PDGFRL: variants seen among roughly 807,000 people sequenced by gnomAD.
PDGFRL encodes platelet derived growth factor receptor like, also known as platelet-derived growth factor receptor-like protein.
In PDGFRL, 46 loss-of-function variants were observed where a neutral mutation model predicts 37.2. That is an observed-to-expected ratio of 1.24 (90% confidence interval 0.98 to 1.58). The LOEUF (loss-of-function observed/expected upper bound fraction) is 1.58. Among genes scored for constraint, PDGFRL ranks in the 40% most tolerant of loss-of-function variants. PDGFRL has a pLI of 0.00. For synonymous variants in PDGFRL, 251 were observed against 184.3 expected (o/e 1.36, Z -2.93); for missense variants, 692 against 467.6 (o/e 1.48, Z -4.43).
At chr8:17,638,079 C>G (rs1805008829) in intron 5 of PDGFRL, among the ~76,000 whole-genome samples, 1 of 151,864 alleles carries the variant, frequency 6.6e-6, no homozygotes, top group East Asian at 1.9e-4. Flanking sequence ...TTCTTTTGTT[C>G]TGCTATGTTT....
intron 2 of PDGFRL, among the ~76,000 whole-genome samples, chr8:17,608,987 G>A (rs530335664): frequency 6.6e-6 from 1 of 152,202 alleles, no homozygotes; most frequent in African/African-American, 2.4e-5. Context: ...GGCAGACTGA[G>A]GCAGGAGGAT....
chr8:17,616,963 A>T (rs2720543), intron 2 of PDGFRL, among the ~76,000 whole-genome samples: 1,883 of 152,210 alleles, frequency 0.012, 44 homozygotes, highest in African/African-American at 0.042. Context: ...ACCGGTCCCT[A>T]TATCTGAGGA....
chr8:17,627,151 G>A (rs1585329377), intron 3 of PDGFRL, among the ~76,000 whole-genome samples: 1 of 152,196 alleles, frequency 6.6e-6, no homozygotes, highest in Admixed American at 6.5e-5. Context: ...GACTGTGGCT[G>A]TGGGGCTGAT....
chr8:17,607,656 G>C (rs1167154297), intron 2 of PDGFRL, among the ~76,000 whole-genome samples: 1 of 152,194 alleles, frequency 6.6e-6, no homozygotes, highest in Non-Finnish European at 1.5e-5. Context: ...TGTATTTTAT[G>C]AGTGAAATGT....
chr8:17,626,259 C>G (rs779531403), intron 3 of PDGFRL, among the ~76,000 whole-genome samples: 2 of 152,198 alleles, frequency 1.3e-5, no homozygotes, highest in Non-Finnish European at 2.9e-5. Context: ...TGTAGATGGA[C>G]TCTGTGTGAA....
At chr8:17,599,062 G>C (rs1307857701) in intron 2 of PDGFRL, among the ~76,000 whole-genome samples, 2 of 152,180 alleles carry the variant, frequency 1.3e-5, no homozygotes, top group Non-Finnish European at 2.9e-5. Flanking sequence ...TGACCTCATA[G>C]AGCCGTTAGT....
At chr8:17,607,129 C>G (rs1486793722) in intron 2 of PDGFRL, among the ~76,000 whole-genome samples, 2 of 152,034 alleles carry the variant, frequency 1.3e-5, no homozygotes, top group African/African-American at 4.8e-5. Context: ...CTCCTGACCT[C>G]AAGTGATCCA....
chr8:17,591,452 C>G (rs1239887656), intron 2 of PDGFRL, among the ~76,000 whole-genome samples: 1 of 152,136 alleles, frequency 6.6e-6, no homozygotes, highest in Non-Finnish European at 1.5e-5. Flanking sequence ...GGTGAAGTCT[C>G]CTAAACTCTG....
At chr8:17,600,293 A>G (rs1306074514) in intron 2 of PDGFRL, among the ~76,000 whole-genome samples, 1 of 152,108 alleles carries the variant, frequency 6.6e-6, no homozygotes, top group Non-Finnish European at 1.5e-5. Flanking sequence ...TGGCCTTTGC[A>G]GTCCTGTGTC....
intron 5 of PDGFRL, among the ~76,000 whole-genome samples, chr8:17,638,858 C>A (rs1353574956): frequency 2.8e-5 from 4 of 145,024 alleles, no homozygotes; most frequent in African/African-American, 1.0e-4. Flanking sequence ...TTTTTAACTG[C>A]TGTTTCTTTA....
chr8:17,628,206 G>A (rs955243168), intron 3 of PDGFRL, among the ~76,000 whole-genome samples: 1 of 151,458 alleles, frequency 6.6e-6, no homozygotes, highest in Non-Finnish European at 1.5e-5. Flanking sequence ...GTGTTAGCCA[G>A]GATGGTCTCG....
chr8:17,590,242 A>AAAAAAAAAC (rs1398022592), intron 2 of PDGFRL, among the ~76,000 whole-genome samples: 1 of 145,814 alleles, frequency 6.9e-6, no homozygotes, highest in Non-Finnish European at 1.5e-5. Flanking sequence ...ATCTCAAAAA[A>AAAAAAAAAC]AAAAAAAAAA....
chr8:17,610,523 C>T (rs771629850), intron 2 of PDGFRL, among the ~76,000 whole-genome samples: 1 of 152,186 alleles, frequency 6.6e-6, no homozygotes, highest in Non-Finnish European at 1.5e-5. Context: ...TGGTTCCAAG[C>T]ATTTTGGATA....
chr8:17,616,267 T>G (rs1804525255), intron 2 of PDGFRL, among the ~76,000 whole-genome samples: 1 of 152,108 alleles, frequency 6.6e-6, no homozygotes, highest in African/African-American at 2.4e-5. Context: ...CAATCTCAGC[T>G]CACTGCAACC....
At chr8:17,615,562 T>C (rs544862075) in intron 2 of PDGFRL, among the ~76,000 whole-genome samples, 1 of 152,172 alleles carries the variant, frequency 6.6e-6, no homozygotes, top group South Asian at 2.1e-4. Flanking sequence ...AGGGGAAAAA[T>C]AGTACCTCCA....
At chr8:17,580,313 G>T (rs576661800) in intron 1 of PDGFRL, among the ~76,000 whole-genome samples, 1 of 151,640 alleles carries the variant, frequency 6.6e-6, no homozygotes, top group East Asian at 1.9e-4. Context: ...TCGTGTCTTC[G>T]TTTATTTTTG....
At chr8:17,606,207 T>C (rs1266159058) in intron 2 of PDGFRL, among the ~76,000 whole-genome samples, 1 of 152,226 alleles carries the variant, frequency 6.6e-6, no homozygotes. Context: ...TTTATATTTT[T>C]CGAAAATACA....
At chr8:17,623,819 A>C (rs1337066893) in intron 3 of PDGFRL, among the ~76,000 whole-genome samples, 1 of 151,342 alleles carries the variant, frequency 6.6e-6, no homozygotes, top group Non-Finnish European at 1.5e-5. Context: ...GGTTGCAGTG[A>C]GTCAAGATTG....
At chr8:17,625,120 C>G (rs1257395632) in intron 3 of PDGFRL, among the ~76,000 whole-genome samples, 2 of 119,928 alleles carry the variant, frequency 1.7e-5, no homozygotes, top group African/African-American at 6.3e-5. Context: ...AGGTATATCT[C>G]CTAAAGCTAT....
Sources: gnomAD v4.1 joint callset for allele counts (sites outside exome capture counted in the v4.1 genomes callset) on GRCh38, gnomAD v4.1.1 for gene constraint, MANE v1.5 for transcripts, NCBI Gene and HGNC (gene_info 2026-07-23, HGNC 2026-07-21) for gene names.